The following AUTS2 variants were observed in gnomAD, a reference collection of about 807,000 sequenced individuals.
AUTS2 encodes the protein activator of transcription and developmental regulator AUTS2, also known as autism susceptibility gene 2 protein.
Under a neutral mutation model 112.4 loss-of-function variants are expected in AUTS2, and 17 were observed. That is an observed-to-expected ratio of 0.15 (90% CI 0.10 to 0.23). The LOEUF (loss-of-function observed/expected upper bound fraction) is 0.23, where lower values mean the gene tolerates loss of function less well. AUTS2 is among the 10% of genes least tolerant of loss of function. The pLI is 1.00. For synonymous variants in AUTS2, 751 were observed against 702.7 expected (o/e 1.07, Z -1.09); for missense variants, 1,510 against 1,701.6 (o/e 0.89, Z 1.98).
intron 5 of AUTS2, among the ~76,000 whole-genome samples, chr7:70,691,083 C>A (rs931984685): frequency 6.6e-6 from 1 of 152,096 alleles, no homozygotes; most frequent in East Asian, 1.9e-4. Context: ...AAGAAGGCTC[C>A]ATATTTTAAC....
chr7:70,001,384 C>T (rs1799184933), intron 2 of AUTS2, among the ~76,000 whole-genome samples: 1 of 152,044 alleles, frequency 6.6e-6, no homozygotes. Context: ...CCTTGGCCTC[C>T]CAAAATGCTG....
intron 4 of AUTS2, among the ~76,000 whole-genome samples, chr7:70,177,937 G>A (rs1478380318): frequency 7.0e-6 from 1 of 143,344 alleles, no homozygotes; most frequent in Non-Finnish European, 1.5e-5. Flanking sequence ...TTTTTTTTGA[G>A]GTGGAGTCTT....
At chr7:69,794,989 G>C (rs554779833) in intron 1 of AUTS2, among the ~76,000 whole-genome samples, 2 of 152,202 alleles carry the variant, frequency 1.3e-5, no homozygotes, top group South Asian at 4.2e-4. Context: ...CACTGGAGCC[G>C]ATCTTCTTGA....
chr7:69,904,698 C>T (rs1432784257), intron 2 of AUTS2, among the ~76,000 whole-genome samples: 1 of 152,060 alleles, frequency 6.6e-6, no homozygotes, highest in Non-Finnish European at 1.5e-5. Flanking sequence ...CATTTGCTTT[C>T]GAAAAATTTT....
chr7:70,769,576 T>G (rs944671551), intron 10 of AUTS2, among the ~76,000 whole-genome samples: 2 of 152,128 alleles, frequency 1.3e-5, no homozygotes, highest in Non-Finnish European at 2.9e-5. Context: ...TCCCAGCTAC[T>G]CGGGAGGCTG....
intron 5 of AUTS2, among the ~76,000 whole-genome samples, chr7:70,687,007 A>T (rs771694263): frequency 6.6e-6 from 1 of 152,160 alleles, no homozygotes; most frequent in Non-Finnish European, 1.5e-5. Context: ...CTTTCAGCTC[A>T]TGCAGACATT....
intron 5 of AUTS2, among the ~76,000 whole-genome samples, chr7:70,474,005 CTT>C (rs1797489637): frequency 6.6e-6 from 1 of 152,136 alleles, no homozygotes; most frequent in African/African-American, 2.4e-5. Context: ...ATCTGCTAAA[CTT>C]TGCAGCCCCA....
chr7:69,970,806 T>G (rs775557352), intron 2 of AUTS2, among the ~76,000 whole-genome samples: 2 of 152,196 alleles, frequency 1.3e-5, no homozygotes, highest in Admixed American at 1.3e-4. Flanking sequence ...TAGTAACATA[T>G]GATCCTAGAG....
intron 4 of AUTS2, among the ~76,000 whole-genome samples, chr7:70,213,043 C>T (rs188981134): frequency 3.4e-4 from 51 of 152,142 alleles, no homozygotes; most frequent in Admixed American, 2.9e-3. Flanking sequence ...ATGTTCTTAA[C>T]ATAAAGAAAA....
At chr7:70,784,647 A>C in intron 15 of AUTS2, 1 of 420,616 alleles carries the variant, frequency 2.4e-6, no homozygotes, top group Non-Finnish European at 4.2e-6. Context: ...TCTTTGTAAT[A>C]CTGTGTGTCA....
intron 4 of AUTS2, among the ~76,000 whole-genome samples, chr7:70,283,502 A>G (rs1788317281): frequency 1.3e-5 from 2 of 152,138 alleles, no homozygotes; most frequent in South Asian, 2.1e-4. Flanking sequence ...TTTAAAATGT[A>G]TATCTTGGAA....
chr7:70,133,582 A>G lies in AUTS2; in HGVS notation c.625-954A>G, dbSNP rs76366583. Among the ~76,000 whole-genome samples, 760 of 152,226 alleles carry G rather than the reference A, an allele frequency of 5.0e-3. 8 individuals carry two copies. Among genetic ancestry groups the G allele is most frequent in the African/African-American group, 0.018 (734 of 41,544 alleles). On this transcript the variant is annotated intron_variant, in intron 3 of 18. Transcript: ENST00000342771. The stretch of plus-strand genomic sequence containing the variant: ...TGCTTCTGGGAAAGTATAATACCCA[A>G]CCCAAGCTCATCAGGGAAGAAGCCT...
In AUTS2 at chr7:70,771,580, G is replaced by T. The variant is rs756954861; in HGVS notation, c.1766G>T (p.Gly589Val). ...LFHSYPPAVS[G>V]IPPMIPPTGP... is the part of the protein sequence containing the mutation. ...CATTCCTATCCTCCTGCAGTGTCGG[G>T]CATCCCCCCTATGATCCCACCCACT... The change falls in exon 11 of 19, where the codon GGC becomes GTC. Residue 589 changes from glycine to valine, a missense_variant. This residue lies in a region of AUTS2 where 187 missense variants were observed against 309.7 expected (regional missense o/e 0.60). Transcript: ENST00000342771. 2 of 1,612,868 alleles carry T rather than the reference G, an allele frequency of 1.2e-6. No homozygotes were observed. The highest frequency in any genetic ancestry group is 1.7e-6 in the Non-Finnish European group (2 of 1,179,182).
In AUTS2 at chr7:69,823,987, G is replaced by A. The variant is rs117268242; in HGVS notation, c.310-75299G>A. 9.2e-3 allele frequency among the ~76,000 whole-genome samples: 1,406 copies of A among 152,216 alleles called. 6 individuals are homozygous for A. Among genetic ancestry groups the A allele is most frequent in the Non-Finnish European group, 0.016 (1,089 of 68,010 alleles). On this transcript the variant is annotated intron_variant, in intron 1 of 18. Coordinates refer to ENST00000342771, the MANE Select transcript of AUTS2 (RefSeq NM_015570.4). ...AAGACCTGAACTTCTCTTTGCCTCA[G>A]TTTTTTCATCTATAAAATAGGGTTA...
intron 1 of AUTS2, among the ~76,000 whole-genome samples, chr7:69,780,491 A>C (rs1439463903): frequency 6.6e-6 from 1 of 152,190 alleles, no homozygotes; most frequent in Non-Finnish European, 1.5e-5. Flanking sequence ...GGATGATGTA[A>C]CTGTGGTCTA....
chr7:70,060,009 A>T (rs1225830991), intron 2 of AUTS2, among the ~76,000 whole-genome samples: 2 of 152,192 alleles, frequency 1.3e-5, no homozygotes, highest in Non-Finnish European at 2.9e-5. Flanking sequence ...GGTGCAAGTT[A>T]ATTAGATTTT....
In AUTS2 at chr7:70,780,978, G is replaced by A. The variant is rs189026817; in HGVS notation, c.2005-637G>A. Among the ~76,000 whole-genome samples, 709 of 152,216 alleles carry A rather than the reference G, an allele frequency of 4.7e-3. 3 individuals carry two copies. Among genetic ancestry groups the A allele is most frequent in the Middle Eastern group, 0.01 (3 of 294 alleles). On this transcript the variant is annotated intron_variant, in intron 14 of 18. Coordinates refer to ENST00000342771, the MANE Select transcript of AUTS2 (RefSeq NM_015570.4). ...ATTATTTTAAACCTTACTAAAATGG[G>A]CCTTTACAGCAAAACACTGAACTAC...
intron 2 of AUTS2, among the ~76,000 whole-genome samples, chr7:70,036,851 A>G (rs1801027043): frequency 1.3e-5 from 2 of 152,200 alleles, no homozygotes; most frequent in African/African-American, 4.8e-5. Context: ...GTTCATTGTA[A>G]GTAACACTTT....
At chr7:69,816,906 C>A (rs1309569228) in intron 1 of AUTS2, among the ~76,000 whole-genome samples, 3 of 152,184 alleles carry the variant, frequency 2.0e-5, no homozygotes, top group Non-Finnish European at 4.4e-5. Flanking sequence ...TTCTTGGTGG[C>A]ATGGGCTTTG....
Sources: gnomAD v4.1 joint callset for allele counts (sites outside exome capture counted in the v4.1 genomes callset) on GRCh38, gnomAD v4.1.1 for gene constraint, gnomAD v4.1.1 regional missense constraint, MANE v1.5 for transcripts, NCBI Gene and HGNC (gene_info 2026-07-23, HGNC 2026-07-21) for gene names.